The following ARRB1 variants were observed in gnomAD, a reference collection of about 807,000 sequenced individuals.
ARRB1 encodes the protein beta-arrestin-1.
In ARRB1, 21 loss-of-function variants were observed where a neutral mutation model predicts 56.8. The observed-to-expected ratio is 0.37, with a 90% CI of 0.26 to 0.53. The LOEUF (loss-of-function observed/expected upper bound fraction) is 0.53, where lower values mean the gene tolerates loss of function less well. ARRB1 is among the 20% of genes least tolerant of loss of function. The probability of loss-of-function intolerance (pLI) is 0.88; values close to 1 mark genes in which losing one functional copy is unlikely to be tolerated. For synonymous variants in ARRB1, 210 were observed against 218.6 expected, an observed-to-expected ratio of 0.96 and a Z score of 0.35; for missense variants, 424 against 553.7, an observed-to-expected ratio of 0.77 and a Z score of 2.35.
chr11:75,314,110 A>G (rs1184016743), intron 1 of ARRB1, among the ~76,000 whole-genome samples: 2 of 151,940 alleles, frequency 1.3e-5, no homozygotes, highest in Non-Finnish European at 2.9e-5. Flanking sequence ...GGAGCCACCA[A>G]CTTCCTTCTC....
intron 1 of ARRB1, among the ~76,000 whole-genome samples, chr11:75,315,051 TCCA>T (rs993391371): frequency 1.3e-5 from 2 of 152,034 alleles, no homozygotes; most frequent in South Asian, 2.1e-4. Flanking sequence ...TAGTGCTGCT[TCCA>T]CCACCACCAC....
chr11:75,265,844 T>C lies in ARRB1; in HGVS notation c.*319A>G. ...ACCACACCGTGTCCCACATTCCCCA[T>C]CCTCCCCTGTCTGCTCCCCATCTCA... On this transcript the variant is annotated 3_prime_UTR_variant, in exon 16 of 16. Transcript: ENST00000420843. 2.7e-6 allele frequency: 1 copy of C among 373,152 alleles called. No homozygotes were observed. The highest frequency in any genetic ancestry group is 2.8e-5 in the South Asian group (1 of 36,062). 23.1% of individuals were successfully genotyped at this position (373,152 alleles called of 1,614,324 possible). A position where few individuals can be genotyped will look rare whatever the true frequency, so the allele number is the denominator to read the frequency against.
chr11:75,326,898 A>T (rs1254330663), intron 1 of ARRB1, among the ~76,000 whole-genome samples: 6 of 151,640 alleles, frequency 4.0e-5, no homozygotes, highest in African/African-American at 1.5e-4. Context: ...GTAGAGATAG[A>T]GTTTTGCCAT....
intron 3 of ARRB1, among the ~76,000 whole-genome samples, chr11:75,285,859 C>T (rs1440119650): frequency 2.0e-5 from 3 of 152,194 alleles, no homozygotes; most frequent in Non-Finnish European, 4.4e-5. Context: ...TGGACATGGA[C>T]AACCCTGGCC....
At chr11:75,335,648 C>T (rs1947590842) in intron 1 of ARRB1, among the ~76,000 whole-genome samples, 1 of 151,890 alleles carries the variant, frequency 6.6e-6, no homozygotes, top group Non-Finnish European at 1.5e-5. Context: ...AGGTCTGCTG[C>T]TCACAAGGGC....
Position 75,333,473 on chromosome 11 carries a change from G to C in ARRB1, c.20+18115C>G, listed in dbSNP as rs189757727. 1.8e-3 allele frequency among the ~76,000 whole-genome samples: 274 copies of C among 152,264 alleles called. 2 individuals are homozygous for C. In the South Asian group the frequency reaches 0.024, roughly 13 times the overall value. On this transcript the variant is annotated intron_variant, in intron 1 of 15. Transcript: ENST00000420843. ...ACAAAAATCAGTCCTTGCCACCACG[G>C]AGCCCACACCCAACTGGGGGCACAG...
intron 3 of ARRB1, among the ~76,000 whole-genome samples, chr11:75,284,719 C>G (rs1051164105): frequency 6.6e-6 from 1 of 152,046 alleles, no homozygotes; most frequent in African/African-American, 2.4e-5. Flanking sequence ...GCCTGGCCAA[C>G]ATGGTGAAAC....
intron 1 of ARRB1, among the ~76,000 whole-genome samples, chr11:75,322,198 G>T (rs537497023): frequency 2.6e-5 from 4 of 152,196 alleles, no homozygotes; most frequent in Non-Finnish European, 4.4e-5. Flanking sequence ...GACAAGGGCT[G>T]GGGTGCTGAA....
chr11:75,298,091 TG>T (rs1407679036), intron 1 of ARRB1, among the ~76,000 whole-genome samples: 1 of 43,004 alleles, frequency 2.3e-5, no homozygotes, highest in Non-Finnish European at 4.5e-5. Context: ...AAGAGAATAT[TG>T]GGGGGTGGGG....
intron 10 of ARRB1, among the ~76,000 whole-genome samples, chr11:75,276,502 G>C (rs1253610189): frequency 1.3e-5 from 2 of 152,192 alleles, no homozygotes; most frequent in African/African-American, 4.8e-5. Flanking sequence ...CTACCAGGAA[G>C]CCAAGAACAA....
Position 75,272,892 on chromosome 11 carries a change from C to T in ARRB1, c.998+3G>A. The T allele has an allele frequency of 6.2e-7, 1 of 1,613,966 alleles. No homozygotes were observed. On this transcript the variant is annotated splice_donor_region_variant and intron_variant, in intron 12 of 15. Transcript: ENST00000420843. ...GGGTCTTGGGCTTGGCTGGAGCACT[C>T]ACCCGCCCCGAGACACCACCAGCTT...
intron 13 of ARRB1, 141 bp downstream of exon 13, chr11:75,271,560 C>T: frequency 2.2e-6 from 2 of 900,234 alleles, no homozygotes; most frequent in South Asian, 3.9e-5. Flanking sequence ...TTGTGTCTCC[C>T]AGCTCACACC....
At chr11:75,320,914 G>A (rs1248900128) in intron 1 of ARRB1, among the ~76,000 whole-genome samples, 1 of 152,084 alleles carries the variant, frequency 6.6e-6, no homozygotes, top group Non-Finnish European at 1.5e-5. Context: ...GGTGGGACAG[G>A]AGGCTGGGAT....
Position 75,283,366 on chromosome 11 carries a change from T to C in ARRB1, c.275A>G (p.Glu92Gly), listed in dbSNP as rs1028921284. The change falls in exon 5 of 16, where the codon GAG becomes GGG. Residue 92 changes from glutamate to glycine, a missense_variant. Around this residue, in one of 3 missense-constraint regions of ARRB1, gnomAD observed 301 missense variants for 387.9 expected, o/e 0.78. Coordinates refer to ENST00000420843, the MANE Select transcript of ARRB1 (RefSeq NM_004041.5). Reference protein sequence around the residue: ...ANVQSFPPAPEDKKPLTRLQE... With the variant: ...ANVQSFPPAPGDKKPLTRLQE... ...CAGCCGCGTCAGGGGCTTCTTGTCC[T>C]CGGGGGCCGGTGGGAACGACTGTAC... The C allele has an allele frequency of 1.2e-6, 2 of 1,614,144 alleles. No homozygotes were observed. The highest frequency in any genetic ancestry group is 3.3e-5 in the Admixed American group (2 of 60,018).
At chr11:75,335,590 CA>C (rs35137614) in intron 1 of ARRB1, among the ~76,000 whole-genome samples, 2 of 148,862 alleles carry the variant, frequency 1.3e-5, no homozygotes, top group South Asian at 2.1e-4. Context: ...GTCCCTGTCT[CA>C]AAAAAAAAAG....
Position 75,274,112 on chromosome 11 carries a change from C to T in ARRB1, c.876G>A (p.Lys292=). The T allele has an allele frequency of 6.2e-7, 1 of 1,614,212 alleles. No homozygotes were observed. Among genetic ancestry groups the T allele is most frequent in the Non-Finnish European group, 8.5e-7 (1 of 1,180,036 alleles). Residue 292 remains lysine (K), a synonymous_variant, in exon 11 of 16, where the codon AAG becomes AAA. Coordinates refer to ENST00000420843, the MANE Select transcript of ARRB1 (RefSeq NM_004041.5). The part of the protein sequence containing the change: ...REKRGLALDG[K]LKHEDTNLAS... ...CCAAGTTCGTGTCTTCGTGCTTGAG[C>T]TTCCCGTCCAAGGCGAGGCCCCGCT...
chr11:75,301,142 C>CA (rs1358825736), intron 1 of ARRB1, among the ~76,000 whole-genome samples: 1,345 of 78,278 alleles, frequency 0.017, 6 homozygotes, highest in African/African-American at 0.022. Flanking sequence ...GACTCCATCT[C>CA]AAAAAAAAAA....
intron 1 of ARRB1, among the ~76,000 whole-genome samples, chr11:75,333,995 G>T (rs1486232728): frequency 6.6e-6 from 1 of 152,118 alleles, no homozygotes; most frequent in Non-Finnish European, 1.5e-5. Context: ...CCAGGAGCAG[G>T]AAAGGCCTGT....
At chr11:75,347,362 A>G (rs577679524) in intron 1 of ARRB1, among the ~76,000 whole-genome samples, 1 of 152,326 alleles carries the variant, frequency 6.6e-6, no homozygotes, top group Non-Finnish European at 1.5e-5. Flanking sequence ...AATGACAGCC[A>G]AAGTTCACAG....
Sources: allele counts gnomAD v4.1 joint callset (sites outside exome capture counted in the v4.1 genomes callset), GRCh38; gene constraint gnomAD v4.1.1; regional missense constraint gnomAD v4.1.1; transcripts MANE v1.5; gene names NCBI Gene and HGNC (gene_info 2026-07-23, HGNC 2026-07-21).